Variants in BRD3 observed in about 807,000 individuals in gnomAD.
BRD3 encodes bromodomain containing 3, also known as bromodomain-containing protein 3.
BRD3 carries 17 observed loss-of-function variants against 66.8 expected under a neutral mutation model. The observed-to-expected ratio is 0.25, with a 90% CI of 0.17 to 0.38. The LOEUF is 0.38. Among genes scored for constraint, BRD3 ranks in the 10% least tolerant of loss-of-function variants. The pLI is 1.00. For missense variants in BRD3, 713 were observed against 956.1 expected (o/e 0.75, Z 3.35); for synonymous variants, 421 against 393.2 (o/e 1.07, Z -0.84).
chr9:134,067,486 C>G (rs1299359567), intron 1 of BRD3, among the ~76,000 whole-genome samples: 2 of 148,636 alleles, frequency 1.3e-5, no homozygotes, highest in Non-Finnish European at 1.5e-5. Context: ...GGGGCCGCCG[C>G]GCGCACCTTC....
intron 1 of BRD3, among the ~76,000 whole-genome samples, chr9:134,062,647 C>T (rs1830569230): frequency 6.6e-6 from 1 of 152,212 alleles, no homozygotes; most frequent in Admixed American, 6.5e-5. Context: ...ATAGAGAGGA[C>T]TCAAAGGACG....
intron 1 of BRD3, among the ~76,000 whole-genome samples, chr9:134,065,282 G>A (rs1430081720): frequency 6.6e-6 from 1 of 152,166 alleles, no homozygotes; most frequent in Non-Finnish European, 1.5e-5. Flanking sequence ...AAATTAGCTG[G>A]GCGTGGTGGC....
intron 1 of BRD3, chr9:134,055,969 G>A (rs775358086): frequency 5.9e-5 from 9 of 152,516 alleles, no homozygotes; most frequent in African/African-American, 2.2e-4. Flanking sequence ...TTTCAAACCG[G>A]AGACTGAGAA....
At position 134,053,316 on chromosome 9, in the gene BRD3, C is replaced by A. The variant is rs1475051820; in HGVS notation, c.162G>T (p.Gln54His). ...CGGGCTGGTAGAAGGGCCAGGCGAA[C>A]TGGTGTTTCCAGAGCGTCTTCACCA... is the stretch of plus-strand genomic sequence containing the variant. Reference protein sequence around the residue: ...NVVVKTLWKHQFAWPFYQPVD... With the variant: ...NVVVKTLWKHHFAWPFYQPVD... Residue 54 changes from glutamine (Q) to histidine (H), a missense_variant, in exon 2 of 12, where the codon CAG becomes CAT. Around this residue, in one of 5 missense-constraint regions of BRD3, gnomAD observed 85 missense variants for 152.4 expected, o/e 0.56. Transcript: ENST00000303407. The A allele has an allele frequency of 6.2e-7, 1 of 1,613,298 alleles. No homozygotes were observed. The highest frequency in any genetic ancestry group is 8.5e-7 in the Non-Finnish European group (1 of 1,179,904).
At chr9:134,048,650 G>A (rs1830227835) in intron 5 of BRD3, among the ~76,000 whole-genome samples, 196 bp from the exon 6 acceptor site, 2 of 152,190 alleles carry the variant, frequency 1.3e-5, no homozygotes, top group South Asian at 4.1e-4. Context: ...GCAGTGGTGA[G>A]GCTGGGACTC....
Position 134,031,188 on chromosome 9 carries a change from G to A in BRD3, c.*2402C>T, listed in dbSNP as rs923308489. On this transcript the variant is annotated 3_prime_UTR_variant, in exon 12 of 12. Transcript: ENST00000303407. ...TAGATGAAAGGAGCAGAGGCGAGCCGACGCCACCGTCACAGAGAACCAGCC... is the reference window on the plus strand; with the variant it reads ...TAGATGAAAGGAGCAGAGGCGAGCCAACGCCACCGTCACAGAGAACCAGCC... The A allele has an allele frequency of 3.1e-5, 7 of 222,912 alleles. No individual in the cohort carries two copies. The highest frequency in any genetic ancestry group is 2.6e-4 in the East Asian group (4 of 15,464). 13.8% of individuals were successfully genotyped at this position (222,912 alleles called of 1,614,324 possible).
chr9:134,063,531 C>G (rs1830586893), intron 1 of BRD3, among the ~76,000 whole-genome samples: 1 of 152,220 alleles, frequency 6.6e-6, no homozygotes, highest in Non-Finnish European at 1.5e-5. Context: ...ATAGTAGATT[C>G]TTCCTTCTGC....
chr9:134,059,806 G>A (rs568881395), intron 1 of BRD3, among the ~76,000 whole-genome samples: 1 of 152,210 alleles, frequency 6.6e-6, no homozygotes, highest in Non-Finnish European at 1.5e-5. Flanking sequence ...GCTCTTTGCT[G>A]TGCGGGCAAG....
At chr9:134,053,108 C>T (rs925042889) in intron 2 of BRD3, among the ~76,000 whole-genome samples, 157 bp downstream of exon 2, 8 of 152,340 alleles carry the variant, frequency 5.3e-5, no homozygotes, top group South Asian at 4.1e-4. Flanking sequence ...GGCCCCTGTG[C>T]GCCTCTGTGC....
intron 1 of BRD3, among the ~76,000 whole-genome samples, chr9:134,065,124 G>A (rs2260689): frequency 0.32 from 48,842 of 152,080 alleles, 8,069 homozygotes; most frequent in East Asian, 0.54. Context: ...TACTGGCTTC[G>A]TGATATAAGG....
At chr9:134,038,877 C>T (rs1829982967) in intron 9 of BRD3, among the ~76,000 whole-genome samples, 1 of 152,118 alleles carries the variant, frequency 6.6e-6, no homozygotes, top group Non-Finnish European at 1.5e-5. Context: ...TTGGAAACAT[C>T]CTTATTTTAG....
At chr9:134,063,513 A>G (rs1473682655) in intron 1 of BRD3, among the ~76,000 whole-genome samples, 1 of 152,190 alleles carries the variant, frequency 6.6e-6, no homozygotes, top group Non-Finnish European at 1.5e-5. Context: ...GCATCCTCTC[A>G]GCCGCTTATA....
In BRD3 at chr9:134,032,868, CTTT is replaced by C. The variant is rs57529360; in HGVS notation, c.*719_*721del. 21 of 227,588 alleles carry C rather than the reference CTTT, an allele frequency of 9.2e-5. No homozygotes were observed. Among genetic ancestry groups the C allele is most frequent in the South Asian group, 1.9e-4 (1 of 5,294 alleles). 14.1% of individuals were successfully genotyped at this position (227,588 alleles called of 1,614,324 possible). ...TTTTTTTTTTTTTAAATCTTTTCTT[CTTT>C]TTTTTTTTTTAAAGTTGAGGTAAAA... On this transcript the variant is annotated 3_prime_UTR_variant, in exon 12 of 12. Transcript: ENST00000303407.
chr9:134,046,953 T>C lies in BRD3; in HGVS notation c.1086+1130A>G, dbSNP rs569144944. Among the ~76,000 whole-genome samples, 28 of 152,332 alleles carry C rather than the reference T, an allele frequency of 1.8e-4. 1 individual carries two copies. Among genetic ancestry groups the C allele is most frequent in the African/African-American group, 6.5e-4 (27 of 41,578 alleles). ...GGAACCCCCCATGATGTTCCAGAAA[T>C]TCCTGTTAACTGTGCTATGGTAGAG... On this transcript the variant is annotated intron_variant, in intron 6 of 11. Coordinates refer to ENST00000303407, the MANE Select transcript of BRD3 (RefSeq NM_007371.4).
chr9:134,034,948 G>A, intron 10 of BRD3, 119 bp from the exon 11 acceptor site: 1 of 1,446,956 alleles, frequency 6.9e-7, no homozygotes, highest in East Asian at 2.3e-5. Flanking sequence ...CAGCTGCCCA[G>A]CTTTCATGAG....
Position 134,033,420 on chromosome 9 carries a change from A to C in BRD3, c.*170T>G. 1 of 559,128 alleles carries C rather than the reference A, an allele frequency of 1.8e-6. No homozygotes were observed. Among genetic ancestry groups the C allele is most frequent in the South Asian group, 2.3e-5 (1 of 43,546 alleles). The allele number at this position is 559,128 out of a possible 1,614,324, so 34.6% of individuals were successfully genotyped here. A position where few individuals can be genotyped will look rare whatever the true frequency, so the allele number is the denominator to read the frequency against. On this transcript the variant is annotated 3_prime_UTR_variant, in exon 12 of 12. Coordinates refer to ENST00000303407, the MANE Select transcript of BRD3 (RefSeq NM_007371.4). The surrounding 1 kb of genome is among the most constrained non-coding windows in gnomAD (Gnocchi z 5.1). ...CCTTCTCATCAAGTCTAACGCACAC[A>C]CAAGATAGATCTCTGACCTATGAAA...
chr9:134,039,893 G>T, intron 9 of BRD3, 141 bp downstream of exon 9: 1 of 1,441,062 alleles, frequency 6.9e-7, no homozygotes, highest in South Asian at 1.5e-5. Flanking sequence ...GTCTCATCAG[G>T]CCCTCTGTCT....
In BRD3 at chr9:134,031,986, A is replaced by AC. The variant is rs1442881319; in HGVS notation, c.*1603dup. 7 of 216,164 alleles carry AC rather than the reference A, an allele frequency of 3.2e-5. No homozygotes were observed. In the East Asian group the frequency reaches 4.8e-4, roughly 15 times the overall value. The allele number at this position is 216,164 out of a possible 1,614,324, so 13.4% of individuals were successfully genotyped here. ...CCTCCTGGGGCCCAGAGACTCCTCC[A>AC]CCCCTGGGGAGGGCAGACAGGCTCG... On this transcript the variant is annotated 3_prime_UTR_variant, in exon 12 of 12. Coordinates refer to ENST00000303407, the MANE Select transcript of BRD3 (RefSeq NM_007371.4).
Position 134,036,279 on chromosome 9 carries a change from T to G in BRD3, c.1689A>C (p.Ser563=), listed in dbSNP as rs200524400. The stretch of plus-strand genomic sequence containing the variant: ...TGGGCAGGCCCTCCTCCTCTTCCTC[T>G]GAGTCGTAGGAGGCAGATGCCTGCT... The part of the protein sequence containing the change: ...GGKQASASYD[S]EEEEEGLPMS... The change falls in exon 10 of 12, where the codon TCA becomes TCC. Residue 563 remains serine (S), a synonymous_variant. Coordinates refer to ENST00000303407, the MANE Select transcript of BRD3 (RefSeq NM_007371.4). 5 of 1,613,242 alleles carry G rather than the reference T, an allele frequency of 3.1e-6. No homozygotes were observed. The South Asian group carries it at 5.5e-5, about 18-fold the overall frequency.
Sources: allele counts gnomAD v4.1 joint callset (sites outside exome capture counted in the v4.1 genomes callset), GRCh38; gene constraint gnomAD v4.1.1; regional missense constraint gnomAD v4.1.1; non-coding constraint Gnocchi (gnomAD v3.1); transcripts MANE v1.5; gene names NCBI Gene and HGNC (gene_info 2026-07-23, HGNC 2026-07-21).